The following DPP9 variants were observed in gnomAD, a reference collection of about 807,000 sequenced individuals.
The protein encoded by DPP9 is dipeptidyl peptidase IV-related protein-2.
Under a neutral mutation model 110.7 loss-of-function variants are expected in DPP9, and 50 were observed. That is an observed-to-expected ratio of 0.45 (90% CI 0.36 to 0.57). The LOEUF is 0.57. DPP9 is among the 20% of genes least tolerant of loss of function. The pLI, the probability that DPP9 is intolerant of heterozygous loss-of-function variation, is 0.00. For missense variants in DPP9, 1,022 were observed against 1,217.9 expected (o/e 0.84, Z 2.39); for synonymous variants, 561 against 514.4 (o/e 1.09, Z -1.23).
Position 4,718,075 on chromosome 19 carries a change from C to G in DPP9, c.56+1776G>C, listed in dbSNP as rs1027720359. ...CAAGGCTGGGTGGCAGATCTGTGATCTCCTTTTTAAATTTTTCATTTTTTT... is the reference window on the plus strand; with the variant it reads ...CAAGGCTGGGTGGCAGATCTGTGATGTCCTTTTTAAATTTTTCATTTTTTT... On this transcript the variant is annotated intron_variant, in intron 3 of 21. Coordinates refer to ENST00000262960, the MANE Select transcript of DPP9 (RefSeq NM_139159.5). This position sits in a 1 kb window ranked among gnomAD's most constrained non-coding sequence, Gnocchi z 4.3. Among the ~76,000 whole-genome samples the G allele has an allele frequency of 1.3e-5, 2 of 152,208 alleles. No homozygotes were observed. The highest frequency in any genetic ancestry group is 2.9e-5 in the Non-Finnish European group (2 of 68,032).
chr19:4,723,269 G>A (rs756873348), intron 1 of DPP9, among the ~76,000 whole-genome samples: 1 of 152,148 alleles, frequency 6.6e-6, no homozygotes, highest in Non-Finnish European at 1.5e-5. Context: ...ATTTGCATGG[G>A]GAGAGGGAGG....
At chr19:4,711,699 G>A (rs950335384) in intron 4 of DPP9, among the ~76,000 whole-genome samples, 1 of 148,362 alleles carries the variant, frequency 6.7e-6, no homozygotes, top group Non-Finnish European at 1.5e-5. Flanking sequence ...CTTGAACCCA[G>A]GAGGCGGAAG....
At position 4,683,485 on chromosome 19, in the gene DPP9, C is replaced by A; in HGVS notation, c.2323G>T (p.Val775Leu). 1 of 1,613,086 alleles carries A rather than the reference C, an allele frequency of 6.2e-7. No homozygotes were observed. The highest frequency in any genetic ancestry group is 8.5e-7 in the Non-Finnish European group (1 of 1,179,858). The change falls in exon 19 of 22, where the codon GTG (valine) becomes TTG (leucine). Residue 775 changes from valine to leucine, a missense_variant. Around this residue, in one of 3 missense-constraint regions of DPP9, gnomAD observed 209 missense variants for 280.4 expected, o/e 0.75. Coordinates refer to ENST00000262960, the MANE Select transcript of DPP9 (RefSeq NM_139159.5). ...CCAGGGGTGGGACCCACCTTGAACA[C>A]CTGGGGCTTGTGGATTAGCCCCATG... Reference protein sequence around the residue: ...SLMGLIHKPQVFKVAIAGAPV... With the variant: ...SLMGLIHKPQLFKVAIAGAPV...
intron 3 of DPP9, 88 bp downstream of exon 3, chr19:4,719,763 G>A: frequency 1.4e-6 from 2 of 1,463,212 alleles, no homozygotes; most frequent in East Asian, 4.9e-5. Context: ...GAGAGGGAAA[G>A]AAGGGGCCTT....
At chr19:4,701,469 A>AAAAC (rs549165034) in intron 9 of DPP9, among the ~76,000 whole-genome samples, 2,867 of 152,214 alleles carry the variant, frequency 0.019, 102 homozygotes, top group African/African-American at 0.066. Context: ...CCTTGTCTCA[A>AAAAC]AAACAAACAA....
rs541997742 is a variant in DPP9 at position 4,698,930 on chromosome 19, G to C, written c.1075-1279C>G. On this transcript the variant is annotated intron_variant, in intron 10 of 21. Transcript: ENST00000262960. The surrounding 1 kb of genome is among the most constrained non-coding windows in gnomAD (Gnocchi z 4.2). ...TCCCAACACTTTGGGAGGCCGAGGC[G>C]GGCGGATCACGAGGTCAGGAGATTG... Among the ~76,000 whole-genome samples the C allele has an allele frequency of 6.6e-6, 1 of 151,986 alleles. No homozygotes were observed. Among genetic ancestry groups the C allele is most frequent in the African/African-American group, 2.4e-5 (1 of 41,368 alleles).
Position 4,694,864 on chromosome 19 carries a change from G to A in DPP9, c.1354-41C>T. 6.2e-7 allele frequency: 1 copy of A among 1,604,498 alleles called. No homozygotes were observed. The highest frequency in any genetic ancestry group is 8.5e-7 in the Non-Finnish European group (1 of 1,174,650). On this transcript the variant is annotated intron_variant, in intron 12 of 21. Transcript: ENST00000262960. The surrounding 1 kb of genome is among the most constrained non-coding windows in gnomAD (Gnocchi z 4.0). ...ATAGAAGATGCGTCAGAAGGTGTGG[G>A]TGGCCGGGCATGGTGGCTCACACCA...
intron 19 of DPP9, chr19:4,683,140 G>C (rs1221782313): frequency 6.8e-7 from 1 of 1,461,890 alleles, no homozygotes; most frequent in East Asian, 2.9e-5. Context: ...GCAGTGCCCT[G>C]ACTGCCGCCG....
intron 10 of DPP9, among the ~76,000 whole-genome samples, chr19:4,699,472 T>C (rs2092076744): frequency 6.6e-6 from 1 of 151,944 alleles, no homozygotes; most frequent in South Asian, 2.1e-4. Flanking sequence ...GTGGGGCTAT[T>C]GGGGGTCCCC....
intron 3 of DPP9, among the ~76,000 whole-genome samples, chr19:4,717,272 G>A (rs557357570): frequency 3.9e-5 from 6 of 152,274 alleles, no homozygotes; most frequent in African/African-American, 9.6e-5. Flanking sequence ...CAGGATGTCC[G>A]CGCCCACTGC....
chr19:4,677,393 G>A (rs1012507499), intron 21 of DPP9, among the ~76,000 whole-genome samples: 9 of 152,246 alleles, frequency 5.9e-5, no homozygotes, highest in East Asian at 1.9e-4. Context: ...GGGGCTGGCC[G>A]GCAGCAGGGG....
At chr19:4,678,893 A>AG in intron 21 of DPP9, among the ~76,000 whole-genome samples, 1 of 152,024 alleles carries the variant, frequency 6.6e-6, no homozygotes, top group East Asian at 1.9e-4. Context: ...TGTCCCCCAC[A>AG]GGCCATCCAC....
At chr19:4,679,287 AGC>A (rs1345256734) in intron 21 of DPP9, 1 of 126,556 alleles carries the variant, frequency 7.9e-6, no homozygotes, top group Non-Finnish European at 1.6e-5. Context: ...CCCACCCCTT[AGC>A]GCAGAAGCCC....
intron 3 of DPP9, among the ~76,000 whole-genome samples, chr19:4,717,454 A>C (rs1172111269): frequency 6.6e-6 from 1 of 152,174 alleles, no homozygotes; most frequent in Non-Finnish European, 1.5e-5. Context: ...CACCCCTCTA[A>C]GCTGTGCTGC....
chr19:4,676,570 G>A lies in DPP9; in HGVS notation c.2673C>T (p.Tyr891=), dbSNP rs762110387. Residue 891 remains tyrosine (Y), a synonymous_variant, in exon 22 of 22, where the codon TAC becomes TAT. Transcript: ENST00000262960. The surrounding 1 kb of genome is among the most constrained non-coding windows in gnomAD (Gnocchi z 4.0). ...EVTLLHFLQE[Y]L ...CGGCTCCCGGTGGGCAGGCTCAGAGGTATTCCTGTAGAAAGTGCAGCAACG... is the reference window on the plus strand; with the variant it reads ...CGGCTCCCGGTGGGCAGGCTCAGAGATATTCCTGTAGAAAGTGCAGCAACG... 2.9e-5 allele frequency: 47 copies of A among 1,598,362 alleles called. No individual in the cohort carries two copies. Among genetic ancestry groups the A allele is most frequent in the Non-Finnish European group, 3.8e-5 (44 of 1,173,068 alleles).
intron 4 of DPP9, among the ~76,000 whole-genome samples, chr19:4,711,048 C>T (rs1005818120): frequency 6.6e-6 from 1 of 152,154 alleles, no homozygotes; most frequent in South Asian, 2.1e-4. Flanking sequence ...TCCGTTTCTG[C>T]TGGTGGCTAG....
chr19:4,719,651 C>T, intron 3 of DPP9, 200 bp downstream of exon 3: 1 of 645,608 alleles, frequency 1.5e-6, no homozygotes, highest in Non-Finnish European at 2.7e-6. Flanking sequence ...CATTCCAGCC[C>T]CAGCGTCCAC....
In DPP9 at chr19:4,698,614, T is replaced by C. The variant is rs529990902; in HGVS notation, c.1075-963A>G. On this transcript the variant is annotated intron_variant, in intron 10 of 21. Transcript: ENST00000262960. This position sits in a 1 kb window ranked among gnomAD's most constrained non-coding sequence, Gnocchi z 4.2. ...AAAACCCACAATTAGTTAGGTGTGG[T>C]GGTGCATGCCTGTAGTCCCAGCTAC... Among the ~76,000 whole-genome samples, 1 of 152,180 alleles carries C rather than the reference T, an allele frequency of 6.6e-6. No individual in the cohort carries two copies. The highest frequency in any genetic ancestry group is 2.4e-5 in the African/African-American group (1 of 41,530).
intron 4 of DPP9, among the ~76,000 whole-genome samples, chr19:4,709,881 G>A (rs2092751708): frequency 6.6e-6 from 1 of 152,194 alleles, no homozygotes; most frequent in Admixed American, 6.5e-5. Flanking sequence ...CAGGAGAGCT[G>A]GAGCTTTCCA....
Sources: allele counts gnomAD v4.1 joint callset (sites outside exome capture counted in the v4.1 genomes callset), GRCh38; gene constraint gnomAD v4.1.1; regional missense constraint gnomAD v4.1.1; non-coding constraint Gnocchi (gnomAD v3.1); transcripts MANE v1.5; gene names NCBI Gene and HGNC (gene_info 2026-07-23, HGNC 2026-07-21).